CTBP2: variants seen among roughly 807,000 people sequenced by gnomAD.
The protein encoded by CTBP2 is C-terminal binding protein 2.
CTBP2 carries 30 observed loss-of-function variants against 80.3 expected under a neutral mutation model. That is an observed-to-expected ratio of 0.37 (90% CI 0.28 to 0.51). The LOEUF (loss-of-function observed/expected upper bound fraction) is 0.51. Among genes scored for constraint, CTBP2 ranks in the 20% least tolerant of loss-of-function variants. The pLI, the probability that CTBP2 is intolerant of heterozygous loss-of-function variation, is 0.93. For synonymous variants in CTBP2, 594 were observed against 587.4 expected (o/e 1.01, Z -0.16); for missense variants, 1,212 against 1,375.3 (o/e 0.88, Z 1.88).
rs1957634859 is a variant in CTBP2 at position 125,026,750 on chromosome 10, C to T, written c.1010G>A (p.Gly337Asp). 1.2e-6 allele frequency: 2 copies of T among 1,613,012 alleles called. No individual in the cohort carries two copies. The highest frequency in any genetic ancestry group is 2.2e-5 in the East Asian group (1 of 44,876). ...CAGGCGGCTCAGAACACGGGCCTGG[C>T]CCAGGTTGGGTGCGACAGACTTGAT... is the stretch of plus-strand genomic sequence containing the variant. Residue 337 changes from glycine to aspartate, a missense_variant, in exon 1 of 9, where the codon GGC becomes GAC. Transcript: ENST00000309035.
chr10:125,129,616 C>T, intron 1 of CTBP2, among the ~76,000 whole-genome samples: 1 of 152,134 alleles, frequency 6.6e-6, no homozygotes, highest in East Asian at 1.9e-4. Context: ...TGATCAGACC[C>T]ACCTGTCCGG....
At chr10:125,055,050 G>A (rs1188080768) in intron 2 of CTBP2, among the ~76,000 whole-genome samples, 1 of 152,114 alleles carries the variant, frequency 6.6e-6, no homozygotes, top group African/African-American at 2.4e-5. Context: ...CCATAAATCT[G>A]GGGAACATTA....
At chr10:124,992,884 C>A in intron 7 of CTBP2, 72 bp from the exon 10 acceptor site, 1 of 1,173,928 alleles carries the variant, frequency 8.5e-7, no homozygotes, top group South Asian at 1.4e-5. Context: ...ACACCTGTAG[C>A]TGCTTATGTG....
At chr10:125,137,575 G>A (rs1043997972) in intron 1 of CTBP2, among the ~76,000 whole-genome samples, 2 of 152,164 alleles carry the variant, frequency 1.3e-5, no homozygotes, top group African/African-American at 2.4e-5. Context: ...TGAAAAAATG[G>A]AGCCCCATTT....
chr10:125,122,333 G>A (rs1057321112), intron 1 of CTBP2, among the ~76,000 whole-genome samples: 1 of 152,198 alleles, frequency 6.6e-6, no homozygotes, highest in African/African-American at 2.4e-5. Context: ...AAGTATGTAT[G>A]TTCAAAATGC....
intron 1 of CTBP2, among the ~76,000 whole-genome samples, chr10:125,021,102 G>T (rs1194410761): frequency 6.6e-6 from 1 of 152,210 alleles, no homozygotes; most frequent in Non-Finnish European, 1.5e-5. Flanking sequence ...GAAGGCGGCA[G>T]AGCTGGGGGA....
upstream of CTBP2, among the ~76,000 whole-genome samples, chr10:125,028,557 A>G (rs1957883296): frequency 6.6e-6 from 1 of 152,266 alleles, no homozygotes; most frequent in African/African-American, 2.4e-5. Context: ...GTTGTGAATC[A>G]AACAGGTTTC....
At position 124,987,258 on chromosome 10, in the gene CTBP2, C is replaced by G. The variant is rs919118744; in HGVS notation, c.*2260G>C. 1.3e-5 allele frequency: 2 copies of G among 152,520 alleles called. No individual in the cohort carries two copies. Among genetic ancestry groups the G allele is most frequent in the African/African-American group, 2.4e-5 (1 of 41,402 alleles). 9.4% of individuals were successfully genotyped at this position (152,520 alleles called of 1,614,324 possible). A position where few individuals can be genotyped will look rare whatever the true frequency, so the allele number is the denominator to read the frequency against. On this transcript the variant is annotated 3_prime_UTR_variant, in exon 9 of 9. Transcript: ENST00000309035. ...AGGTGACAGACATTAATGACTGACT[C>G]TGGAGAGTAAGTCATACCTGCACTC...
chr10:125,098,461 C>T (rs992930081), intron 2 of CTBP2, among the ~76,000 whole-genome samples: 1 of 152,088 alleles, frequency 6.6e-6, no homozygotes, highest in Non-Finnish European at 1.5e-5. Context: ...TAAGGCATCA[C>T]TTGGTTGATG....
At chr10:125,043,715 T>C (rs919333951) in intron 2 of CTBP2, among the ~76,000 whole-genome samples, 3 of 152,146 alleles carry the variant, frequency 2.0e-5, no homozygotes, top group Non-Finnish European at 2.9e-5. Context: ...GGATTATAGG[T>C]GTAAGCAACC....
chr10:125,149,838 T>C (rs1010484748), intron 1 of CTBP2, among the ~76,000 whole-genome samples: 1 of 152,228 alleles, frequency 6.6e-6, no homozygotes, highest in African/African-American at 2.4e-5. Flanking sequence ...GTCTCTGGAT[T>C]TGAAGACACA....
At chr10:125,040,085 T>C (rs975373677) in intron 2 of CTBP2, among the ~76,000 whole-genome samples, 1 of 152,178 alleles carries the variant, frequency 6.6e-6, no homozygotes, top group Non-Finnish European at 1.5e-5. Context: ...GTCCAGATCA[T>C]TAACAGCTGT....
intron 3 of CTBP2, among the ~76,000 whole-genome samples, chr10:125,033,651 C>T (rs1480325823): frequency 6.6e-6 from 1 of 152,200 alleles, no homozygotes; most frequent in African/African-American, 2.4e-5. Context: ...CTCCTCCAAA[C>T]ACGGAGACTA....
chr10:124,992,991 C>T (rs1004580931), intron 7 of CTBP2, among the ~76,000 whole-genome samples, 179 bp from the exon 10 acceptor site: 2 of 152,186 alleles, frequency 1.3e-5, no homozygotes, highest in East Asian at 1.9e-4. Flanking sequence ...CCCCGACCCC[C>T]GAGTTTATAA....
intron 2 of CTBP2, among the ~76,000 whole-genome samples, chr10:125,041,928 T>C (rs1414236484): frequency 8.1e-6 from 1 of 123,226 alleles, no homozygotes; most frequent in Non-Finnish European, 1.7e-5. Flanking sequence ...ATTCCACTAT[T>C]AAAAAAAAAA....
chr10:125,137,117 T>C (rs1341030516), intron 1 of CTBP2, among the ~76,000 whole-genome samples: 1 of 152,222 alleles, frequency 6.6e-6, no homozygotes, highest in Non-Finnish European at 1.5e-5. Context: ...TACACATCTG[T>C]ATCAACAAAA....
intron 2 of CTBP2, among the ~76,000 whole-genome samples, chr10:125,069,885 C>T (rs969986711): frequency 8.3e-6 from 1 of 120,162 alleles, no homozygotes; most frequent in Non-Finnish European, 1.9e-5. Context: ...ACCCTGCCCC[C>T]CTCCCCCCCC....
At chr10:125,161,530 G>C (rs2133565867), upstream of CTBP2, among the ~76,000 whole-genome samples, 1 of 152,068 alleles carries the variant, frequency 6.6e-6, no homozygotes, top group South Asian at 2.1e-4. Context: ...GGCCGCTTCT[G>C]CCTTCTCAGG....
intron 2 of CTBP2, among the ~76,000 whole-genome samples, chr10:125,062,576 C>T (rs545599834): frequency 8.4e-4 from 127 of 151,782 alleles, no homozygotes; most frequent in Middle Eastern, 6.8e-3. Flanking sequence ...ATAAAAAATA[C>T]GGAGGGACCG....
Sources: gnomAD v4.1 joint callset for allele counts (sites outside exome capture counted in the v4.1 genomes callset) on GRCh38, gnomAD v4.1.1 for gene constraint, MANE v1.5 for transcripts, NCBI Gene and HGNC (gene_info 2026-07-23, HGNC 2026-07-21) for gene names.